The following NRXN3 variants were observed in gnomAD, a reference collection of about 807,000 sequenced individuals.
NRXN3 encodes the protein neurexin 3.
A neutral mutation model predicts 137.6 loss-of-function variants in NRXN3; 32 were observed. The observed-to-expected ratio is 0.23, with a 90% CI of 0.18 to 0.31. NRXN3 has a LOEUF of 0.31. Among genes scored for constraint, NRXN3 ranks in the 10% least tolerant of loss-of-function variants. NRXN3 has a pLI of 1.00. For missense variants in NRXN3, 1,574 were observed against 2,062.5 expected, an observed-to-expected ratio of 0.76 and a Z score of 4.59; for synonymous variants, 798 against 784.5, an observed-to-expected ratio of 1.02 and a Z score of -0.29.
intron 15 of NRXN3, among the ~76,000 whole-genome samples, chr14:79,330,055 C>T (rs985013522): frequency 2.1e-4 from 32 of 152,042 alleles, no homozygotes; most frequent in Admixed American, 2.1e-3. Context: ...TGATCTTGAT[C>T]TCTTGACCTC....
At chr14:79,794,393 A>AAC (rs1287921026) in intron 19 of NRXN3, among the ~76,000 whole-genome samples, 3 of 151,998 alleles carry the variant, frequency 2.0e-5, no homozygotes, top group Admixed American at 6.5e-5. Context: ...CAAACAAAAA[A>AAC]ACAAAAAAAA....
intron 4 of NRXN3, among the ~76,000 whole-genome samples, chr14:78,385,032 G>T (rs1318235362): frequency 6.6e-6 from 1 of 152,086 alleles, no homozygotes; most frequent in Non-Finnish European, 1.5e-5. Context: ...TTCTTTATTA[G>T]TTAATGGTTG....
chr14:78,658,072 C>G (rs914888249), intron 6 of NRXN3, among the ~76,000 whole-genome samples: 1 of 152,186 alleles, frequency 6.6e-6, no homozygotes, highest in African/African-American at 2.4e-5. Flanking sequence ...GTGATAATGT[C>G]TCTGTCCATA....
At chr14:78,916,498 G>A (rs2099255796) in intron 10 of NRXN3, among the ~76,000 whole-genome samples, 1 of 152,202 alleles carries the variant, frequency 6.6e-6, no homozygotes, top group Admixed American at 6.5e-5. Flanking sequence ...CATGGCAGGA[G>A]TGCTCCAGGG....
At chr14:78,645,504 A>G (rs2097677565) in intron 5 of NRXN3, 83 bp downstream of exon 5, 1 of 1,205,668 alleles carries the variant, frequency 8.3e-7, no homozygotes, top group Non-Finnish European at 1.1e-6. Flanking sequence ...GATGGGTGTG[A>G]GGTGGAGAGG....
At chr14:79,363,004 A>ATTT (rs11368184) in intron 15 of NRXN3, among the ~76,000 whole-genome samples, 5 of 143,124 alleles carry the variant, frequency 3.5e-5, no homozygotes, top group African/African-American at 1.3e-4. Flanking sequence ...TAGAATTGGA[A>ATTT]TTTTTTTTTT....
chr14:79,604,423 C>A (rs529727726), intron 16 of NRXN3, among the ~76,000 whole-genome samples: 1 of 151,700 alleles, frequency 6.6e-6, no homozygotes, highest in African/African-American at 2.4e-5. Flanking sequence ...TTAGTAGGGA[C>A]GAGGTTTCAC....
chr14:79,792,357 T>G (rs2099147947), intron 19 of NRXN3, among the ~76,000 whole-genome samples: 1 of 152,222 alleles, frequency 6.6e-6, no homozygotes, highest in Non-Finnish European at 1.5e-5. Context: ...TTTTATTGAT[T>G]TCTGTTTACT....
chr14:78,831,491 T>C (rs1364705459), intron 10 of NRXN3, among the ~76,000 whole-genome samples: 1 of 134,982 alleles, frequency 7.4e-6, no homozygotes, highest in Admixed American at 8.4e-5. Context: ...GCCAAGATTG[T>C]GCCACTACAC....
chr14:78,486,916 CT>C (rs1164877515), intron 4 of NRXN3, among the ~76,000 whole-genome samples: 1 of 152,150 alleles, frequency 6.6e-6, no homozygotes, highest in Non-Finnish European at 1.5e-5. Context: ...TAAAGGACTT[CT>C]GTGTGCAGAC....
At chr14:78,281,263 G>A (rs1355047006) in intron 3 of NRXN3, among the ~76,000 whole-genome samples, 1 of 152,204 alleles carries the variant, frequency 6.6e-6, no homozygotes, top group Admixed American at 6.5e-5. Flanking sequence ...AGCCGACAGC[G>A]CTGTGGTTCT....
At position 79,305,625 on chromosome 14, in the gene NRXN3, G is replaced by GTT. The variant is rs563520155; in HGVS notation, c.3263-161590_3263-161589dup. 3.7e-3 allele frequency among the ~76,000 whole-genome samples: 562 copies of GTT among 152,188 alleles called. 3 individuals are homozygous for GTT. Among genetic ancestry groups the GTT allele is most frequent in the African/African-American group, 0.013 (540 of 41,556 alleles). ...ATGAGGGCTAGAACCCCGGGGATTA[G>GTT]TTTTTTTCCTCTGGCCTCAAAACTC... On this transcript the variant is annotated intron_variant, in intron 15 of 20. Transcript: ENST00000335750.
chr14:78,901,173 G>A (rs901313990), intron 10 of NRXN3, among the ~76,000 whole-genome samples: 1 of 151,906 alleles, frequency 6.6e-6, no homozygotes, highest in African/African-American at 2.4e-5. Context: ...TCAGGCTCAG[G>A]TAACCCTTGA....
intron 16 of NRXN3, among the ~76,000 whole-genome samples, chr14:79,623,725 A>G (rs2098249285): frequency 6.6e-6 from 1 of 152,158 alleles, no homozygotes; most frequent in Non-Finnish European, 1.5e-5. Flanking sequence ...ATCACCCATT[A>G]ACTGCCATTT....
intron 4 of NRXN3, among the ~76,000 whole-genome samples, chr14:78,373,068 T>G (rs569797554): frequency 3.9e-5 from 6 of 152,218 alleles, no homozygotes; most frequent in Non-Finnish European, 7.3e-5. Context: ...TATCTAAAAT[T>G]GGTATGCAGG....
chr14:78,925,288 A>G (rs924927456), intron 10 of NRXN3, among the ~76,000 whole-genome samples: 10 of 152,346 alleles, frequency 6.6e-5, no homozygotes, highest in African/African-American at 2.4e-4. Flanking sequence ...GTTTCTAGTG[A>G]GAAACAATGT....
intron 8 of NRXN3, among the ~76,000 whole-genome samples, chr14:78,771,300 AC>A (rs1352012839): frequency 6.6e-6 from 1 of 152,038 alleles, no homozygotes; most frequent in African/African-American, 2.4e-5. Context: ...AAACCTCCTG[AC>A]ACCTCAGATG....
rs1379843802 is a variant in NRXN3, at chr14:79,861,231, GTGA to G, written c.4094-102_4094-100del. 5.2e-6 allele frequency: 8 copies of G among 1,535,248 alleles called. No individual in the cohort carries two copies. The highest frequency in any genetic ancestry group is 2.7e-5 in the African/African-American group (2 of 72,956). On this transcript the variant is annotated intron_variant, in intron 20 of 20. Transcript: ENST00000335750. The surrounding 1 kb of genome is among the most constrained non-coding windows in gnomAD (Gnocchi z 5.4). ...TTGTCGGACCAAGGCAGCGATGGTT[GTGA>G]TGATGATGGCTTGGTGATATCTGGG...
Position 78,776,744 on chromosome 14 carries a change from A to G in NRXN3, c.2045-26876A>G, listed in dbSNP as rs181691587. On this transcript the variant is annotated intron_variant, in intron 8 of 20. Coordinates refer to ENST00000335750, the MANE Select transcript of NRXN3 (RefSeq NM_001330195.2). ...GGATTTGTGACATGCTCCATGAAGG[A>G]CTTAACTTGATCAGACACATTAAAC... 2.6e-3 allele frequency among the ~76,000 whole-genome samples: 401 copies of G among 152,306 alleles called. 2 individuals are homozygous for G. The highest frequency in any genetic ancestry group is 6.8e-3 in the Middle Eastern group (2 of 294).
Sources: allele counts gnomAD v4.1 joint callset (sites outside exome capture counted in the v4.1 genomes callset), GRCh38; gene constraint gnomAD v4.1.1; non-coding constraint Gnocchi (gnomAD v3.1); transcripts MANE v1.5; gene names NCBI Gene and HGNC (gene_info 2026-07-23, HGNC 2026-07-21).